Variants in SLC2A9 observed in about 807,000 individuals in gnomAD.
SLC2A9 encodes solute carrier family 2 member 9.
In SLC2A9, 39 loss-of-function variants were observed where a neutral mutation model predicts 50.6. The observed-to-expected ratio is 0.77, with a 90% CI of 0.60 to 1.01. The LOEUF (loss-of-function observed/expected upper bound fraction) is 1.01. SLC2A9 is among the 50% of genes least tolerant of loss of function. The pLI is 0.00. For synonymous variants in SLC2A9, 324 were observed against 276.9 expected (o/e 1.17, Z -1.69); for missense variants, 686 against 677.6 (o/e 1.01, Z -0.14).
At chr4:9,901,560 G>A (rs932785827) in intron 8 of SLC2A9, among the ~76,000 whole-genome samples, 7 of 152,144 alleles carry the variant, frequency 4.6e-5, no homozygotes, top group Non-Finnish European at 8.8e-5. Context: ...TAACACCCCT[G>A]TCCACTAAAA....
At chr4:9,816,044 C>A (rs903787965) in intron 3 of SLC2A9, among the ~76,000 whole-genome samples, 7 of 152,042 alleles carry the variant, frequency 4.6e-5, no homozygotes, top group African/African-American at 1.7e-4. Flanking sequence ...GTGGCACACG[C>A]CTGTAATCCC....
intron 1 of SLC2A9, among the ~76,000 whole-genome samples, chr4:10,037,575 T>C (rs1764146989): frequency 6.8e-6 from 1 of 146,072 alleles, no homozygotes; most frequent in Admixed American, 7.1e-5. Flanking sequence ...TCAAGGTAAA[T>C]AATAATTAAT....
At chr4:10,014,457 C>T (rs1012495512) in intron 2 of SLC2A9, among the ~76,000 whole-genome samples, 1 of 152,208 alleles carries the variant, frequency 6.6e-6, no homozygotes, top group Non-Finnish European at 1.5e-5. Flanking sequence ...TCAGCCTGCT[C>T]ATAGCCTGGG....
intron 8 of SLC2A9, among the ~76,000 whole-genome samples, chr4:9,895,760 GTATA>G (rs758725375): frequency 6.6e-6 from 1 of 152,234 alleles, no homozygotes; most frequent in Non-Finnish European, 1.5e-5. Context: ...TTTGACAAAT[GTATA>G]TACCTTATAA....
chr4:9,883,561 A>C (rs1735618179), intron 10 of SLC2A9, among the ~76,000 whole-genome samples: 1 of 152,194 alleles, frequency 6.6e-6, no homozygotes, highest in Non-Finnish European at 1.5e-5. Flanking sequence ...TCTAAGTTAA[A>C]GTTGATGCTC....
intron 5 of SLC2A9, among the ~76,000 whole-genome samples, chr4:9,944,971 G>A (rs1275745879): frequency 6.6e-6 from 1 of 152,210 alleles, no homozygotes; most frequent in Admixed American, 6.5e-5. Context: ...ATCTCAATGA[G>A]TAAGTGCCTA....
chr4:9,866,646 G>A (rs2109447945), intron 10 of SLC2A9, among the ~76,000 whole-genome samples: 1 of 152,224 alleles, frequency 6.6e-6, no homozygotes, highest in South Asian at 2.1e-4. Flanking sequence ...CACATCCATG[G>A]ATACGGGGAC....
chr4:9,902,778 A>G (rs1739887930), intron 8 of SLC2A9, among the ~76,000 whole-genome samples: 1 of 152,232 alleles, frequency 6.6e-6, no homozygotes, highest in Non-Finnish European at 1.5e-5. Context: ...CTATTCCAGT[A>G]TAACCGTATC....
intron 10 of SLC2A9, among the ~76,000 whole-genome samples, chr4:9,845,097 T>C (rs1018094882): frequency 1.3e-5 from 2 of 151,924 alleles, no homozygotes; most frequent in African/African-American, 4.8e-5. Context: ...CACTGCAAGC[T>C]CCACCTCCTG....
At position 9,950,733 on chromosome 4, in the gene SLC2A9, A is replaced by AGAAATTC. The variant is rs2108839968; in HGVS notation, c.682-8689_682-8688insGAATTTC. Among the ~76,000 whole-genome samples, 312 of 93,690 alleles carry AGAAATTC rather than the reference A, an allele frequency of 3.3e-3. 31 individuals carry two copies. The highest frequency in any genetic ancestry group is 5.9e-3 in the African/African-American group (89 of 15,098). The allele number at this position is 93,690 out of a possible 152,430, so 61.5% of individuals were successfully genotyped here. A position where few individuals can be genotyped will look rare whatever the true frequency, so the allele number is the denominator to read the frequency against. ...ACGGTGAAACCCTGTCTCTACTAAA[A>AGAAATTC]ATACAAAAAATTAGCCGGGCGTGGT... On this transcript the variant is annotated intron_variant, in intron 5 of 11. Coordinates refer to ENST00000264784, the MANE Select transcript of SLC2A9 (RefSeq NM_020041.3).
At chr4:9,962,297 G>C (rs1401575500) in intron 5 of SLC2A9, among the ~76,000 whole-genome samples, 1 of 152,166 alleles carries the variant, frequency 6.6e-6, no homozygotes, top group Non-Finnish European at 1.5e-5. Flanking sequence ...ATTCACAATA[G>C]CAAAGACATG....
chr4:9,901,673 C>T (rs978004344), intron 8 of SLC2A9, among the ~76,000 whole-genome samples: 4 of 151,886 alleles, frequency 2.6e-5, no homozygotes, highest in Admixed American at 2.6e-4. Flanking sequence ...AAGCCCCATG[C>T]CCCCCCACCA....
intron 10 of SLC2A9, among the ~76,000 whole-genome samples, chr4:9,844,742 T>C (rs751099973): frequency 1.3e-5 from 2 of 152,242 alleles, no homozygotes; most frequent in Non-Finnish European, 2.9e-5. Flanking sequence ...GAGATAAACC[T>C]GATATAAATT....
intron 3 of SLC2A9, among the ~76,000 whole-genome samples, chr4:9,803,466 T>G (rs560575617): frequency 6.6e-6 from 1 of 152,324 alleles, no homozygotes; most frequent in African/African-American, 2.4e-5. Context: ...GATGAGAAAC[T>G]GAGGCTCAAA....
chr4:9,796,251 T>C (rs928569161), downstream of SLC2A9, among the ~76,000 whole-genome samples: 8 of 152,222 alleles, frequency 5.3e-5, no homozygotes, highest in Non-Finnish European at 1.2e-4. Flanking sequence ...GACACTCATT[T>C]GAGGTTACTG....
chr4:9,795,007 CTTTTTTTT>C (rs3060726), downstream of SLC2A9, among the ~76,000 whole-genome samples: 7 of 95,184 alleles, frequency 7.4e-5, no homozygotes, highest in Non-Finnish European at 1.2e-4. Flanking sequence ...TTAACCCATC[CTTTTTTTT>C]TTTTTTTTTT....
chr4:9,892,280 T>C (rs184176151), intron 8 of SLC2A9, among the ~76,000 whole-genome samples: 238 of 152,284 alleles, frequency 1.6e-3, no homozygotes, highest in African/African-American at 5.4e-3. Flanking sequence ...GGCATGAATG[T>C]TGAGGGGAAC....
chr4:9,975,316 A>T (rs1754606949), intron 5 of SLC2A9, among the ~76,000 whole-genome samples: 2 of 152,182 alleles, frequency 1.3e-5, no homozygotes, highest in African/African-American at 4.8e-5. Flanking sequence ...TAAACAGACA[A>T]CCTATGGAAT....
intron 3 of SLC2A9, among the ~76,000 whole-genome samples, chr4:9,993,354 G>A (rs534610724): frequency 2.0e-4 from 31 of 152,258 alleles, no homozygotes; most frequent in Non-Finnish European, 3.2e-4. Flanking sequence ...GGAATGACCC[G>A]TCTCAAATAA....
Sources: gnomAD v4.1 joint callset for allele counts (sites outside exome capture counted in the v4.1 genomes callset) on GRCh38, gnomAD v4.1.1 for gene constraint, MANE v1.5 for transcripts, NCBI Gene and HGNC (gene_info 2026-07-23, HGNC 2026-07-21) for gene names.